FREM1: variants seen among roughly 807,000 people sequenced by gnomAD.
FREM1 encodes FRAS1-related extracellular matrix protein 1.
FREM1 carries 220 observed loss-of-function variants against 210.1 expected under a neutral mutation model. The observed-to-expected ratio is 1.05, with a 90% CI of 0.94 to 1.17. The LOEUF (loss-of-function observed/expected upper bound fraction) is 1.17, where lower values mean the gene tolerates loss of function less well. FREM1 is among the 50% of genes most tolerant of loss of function. FREM1 has a pLI of 0.00. For synonymous variants in FREM1, 1,189 were observed against 980.2 expected, an observed-to-expected ratio of 1.21 and a Z score of -3.98; for missense variants, 3,454 against 2,675.5, an observed-to-expected ratio of 1.29 and a Z score of -6.42.
At chr9:14,908,897 T>C (rs1258816421) in intron 1 of FREM1, among the ~76,000 whole-genome samples, 2 of 152,140 alleles carry the variant, frequency 1.3e-5, no homozygotes, top group African/African-American at 4.8e-5. Flanking sequence ...GAATGCCTGA[T>C]GGAGAGAAAC....
chr9:14,857,622 A>G lies in FREM1; in HGVS notation c.759T>C (p.Pro253=). The change falls in exon 5 of 37, where the codon CCT becomes CCC. Residue 253 remains proline, a synonymous_variant. Coordinates refer to ENST00000380880, the MANE Select transcript of FREM1 (RefSeq NM_001379081.2). The part of the protein sequence containing the change: ...MGLRYQHLDP[P]SPNIDYISIQ... ...TGGAGATATAATCAATGTTGGGTGA[A>G]GGGGGATCCAGATGCTGATAACGAA... 1.2e-6 allele frequency: 2 copies of G among 1,613,858 alleles called. No individual in the cohort carries two copies. The highest frequency in any genetic ancestry group is 1.7e-6 in the Non-Finnish European group (2 of 1,179,830).
At chr9:14,761,272 T>C (rs953207870) in intron 27 of FREM1, among the ~76,000 whole-genome samples, 1 of 152,134 alleles carries the variant, frequency 6.6e-6, no homozygotes, top group African/African-American at 2.4e-5. Flanking sequence ...AACTCAACAG[T>C]GTAGGTTCAT....
chr9:14,905,826 G>C (rs552668499), intron 1 of FREM1, among the ~76,000 whole-genome samples: 12 of 152,254 alleles, frequency 7.9e-5, no homozygotes, highest in African/African-American at 2.9e-4. Flanking sequence ...GGGAGGCAGA[G>C]GTTGCAGTGA....
chr9:14,779,839 C>A (rs1849366846), intron 24 of FREM1, among the ~76,000 whole-genome samples: 1 of 152,110 alleles, frequency 6.6e-6, no homozygotes, highest in Non-Finnish European at 1.5e-5. Flanking sequence ...AGCTAATAGG[C>A]CAGGGGTGAA....
At chr9:14,890,121 C>G (rs1588616807) in intron 1 of FREM1, among the ~76,000 whole-genome samples, 2 of 152,196 alleles carry the variant, frequency 1.3e-5, no homozygotes, top group African/African-American at 4.8e-5. Flanking sequence ...GGGAGAAGGT[C>G]AGAGAGTCTT....
At position 14,755,118 on chromosome 9, in the gene FREM1, C is replaced by G. The variant is rs1587726245; in HGVS notation, c.5407+1256G>C. On this transcript the variant is annotated intron_variant, in intron 29 of 36. Coordinates refer to ENST00000380880, the MANE Select transcript of FREM1 (RefSeq NM_001379081.2). Reference sequence around the variant, plus strand: ...ATTCAGAAGTAATCCTTCATGCTGACAGCTTGATCTTGGGCCTCTAGCCTC... The same window carrying G: ...ATTCAGAAGTAATCCTTCATGCTGAGAGCTTGATCTTGGGCCTCTAGCCTC... 1.3e-5 allele frequency among the ~76,000 whole-genome samples: 2 copies of G among 152,296 alleles called. 1 individual carries two copies. Among genetic ancestry groups the G allele is most frequent in the Middle Eastern group, 6.8e-3 (2 of 294 alleles).
At chr9:14,763,289 T>C (rs548551287) in intron 27 of FREM1, among the ~76,000 whole-genome samples, 2 of 152,136 alleles carry the variant, frequency 1.3e-5, no homozygotes, top group Non-Finnish European at 2.9e-5. Flanking sequence ...ACCACTTCCC[T>C]CCAGTCACGA....
At chr9:14,894,678 T>G (rs1288381415) in intron 1 of FREM1, among the ~76,000 whole-genome samples, 1 of 152,258 alleles carries the variant, frequency 6.6e-6, no homozygotes, top group Non-Finnish European at 1.5e-5. Flanking sequence ...ACTTTTCTAT[T>G]AAGCTATTTA....
intron 10 of FREM1, among the ~76,000 whole-genome samples, chr9:14,828,014 T>G (rs1175126412): frequency 6.6e-6 from 1 of 152,174 alleles, no homozygotes; most frequent in Admixed American, 6.5e-5. Flanking sequence ...TCAGAAAGCC[T>G]CGGGACTCAG....
intron 1 of FREM1, among the ~76,000 whole-genome samples, chr9:14,888,834 T>C (rs1041423797): frequency 1.3e-5 from 2 of 152,244 alleles, no homozygotes; most frequent in African/African-American, 2.4e-5. Context: ...TCAATGTATT[T>C]GCTTTTTCTG....
intron 24 of FREM1, among the ~76,000 whole-genome samples, chr9:14,777,042 T>C (rs1004454957): frequency 6.6e-6 from 1 of 152,214 alleles, no homozygotes; most frequent in Non-Finnish European, 1.5e-5. Flanking sequence ...GGTCTTTTAA[T>C]CCCTGCACCC....
rs1203742193 is a variant in FREM1 at position 14,868,918 on chromosome 9, C to A, written c.60G>T (p.Trp20Cys). ...NAVLLLLLLAWASPTFISINR... is the reference protein window; with the variant it reads ...NAVLLLLLLACASPTFISINR... ...TGATGCTGATGAAGGTGGGGCTGGC[C>A]CAGGCCAGGAGGAGCAGCAGCAGCA... The change falls in exon 2 of 37, where the codon TGG becomes TGT. Residue 20 changes from tryptophan to cysteine, a missense_variant. Transcript: ENST00000380880. 1 of 1,604,540 alleles carries A rather than the reference C, an allele frequency of 6.2e-7. No individual in the cohort carries two copies. Among genetic ancestry groups the A allele is most frequent in the East Asian group, 2.2e-5 (1 of 44,640 alleles).
chr9:14,794,399 G>C (rs756639105), intron 21 of FREM1, among the ~76,000 whole-genome samples: 2 of 152,192 alleles, frequency 1.3e-5, no homozygotes, highest in Non-Finnish European at 2.9e-5. Context: ...GTTAAGGGCT[G>C]TCCCCAGAGT....
chr9:14,848,802 C>A, intron 6 of FREM1, 29 bp from the exon 7 acceptor site: 1 of 1,348,472 alleles, frequency 7.4e-7, no homozygotes, highest in Non-Finnish European at 1.1e-6. Flanking sequence ...AAAGGAGCCA[C>A]ACACTGAAGC....
At chr9:14,746,778 AT>A in intron 34 of FREM1, 144 bp downstream of exon 34, 4 of 999,484 alleles carry the variant, frequency 4.0e-6, no homozygotes, top group Non-Finnish European at 2.9e-6. Context: ...ACTTTGGGCC[AT>A]TTTTTCCTCT....
chr9:14,904,127 A>C lies in FREM1; in HGVS notation c.-268+5787T>G, dbSNP rs918392369. 1.1e-4 allele frequency among the ~76,000 whole-genome samples: 16 copies of C among 151,810 alleles called. No individual in the cohort carries two copies. In the East Asian group the frequency reaches 2.3e-3, roughly 22 times the overall value. On this transcript the variant is annotated intron_variant, in intron 1 of 36. Coordinates refer to ENST00000380880, the MANE Select transcript of FREM1 (RefSeq NM_001379081.2). The stretch of plus-strand genomic sequence containing the variant: ...AAGACTCCGTCTCAAAAAAAAAAAA[A>C]AAAAAAAAAACACTTAGACATTTCT...
intron 31 of FREM1, 61 bp from the exon 32 acceptor site, chr9:14,747,789 G>T: frequency 1.1e-6 from 1 of 944,046 alleles, no homozygotes; most frequent in Non-Finnish European, 1.6e-6. Context: ...TAGCAATAGG[G>T]TAAAACCACC....
At position 14,819,216 on chromosome 9, in the gene FREM1, A is replaced by T; in HGVS notation, c.2546+18T>A. ...GAAACTAAAGCATGTAAATAAAAAA[A>T]CCATGAAATGTTCTAACCTAACTTT... On this transcript the variant is annotated intron_variant, in intron 14 of 36. Coordinates refer to ENST00000380880, the MANE Select transcript of FREM1 (RefSeq NM_001379081.2). 1.3e-6 allele frequency: 2 copies of T among 1,552,084 alleles called. No individual in the cohort carries two copies. The highest frequency in any genetic ancestry group is 1.8e-6 in the Non-Finnish European group (2 of 1,140,164).
rs1844402230 is a variant in FREM1, at chr9:14,756,498, A to T, written c.5335-52T>A. The T allele has an allele frequency of 3.2e-6, 4 of 1,269,192 alleles. No homozygotes were observed. The African/African-American group carries it at 6.0e-5, about 19-fold the overall frequency. 78.6% of individuals were successfully genotyped at this position (1,269,192 alleles called of 1,614,324 possible). ...AAGATAAAAATAAATATTCTACAAT[A>T]GAGAAACAGCTATTCTCCCTCATAC... is the stretch of plus-strand genomic sequence containing the variant. On this transcript the variant is annotated intron_variant, in intron 28 of 36. Transcript: ENST00000380880.
Sources: allele counts gnomAD v4.1 joint callset (sites outside exome capture counted in the v4.1 genomes callset), GRCh38; gene constraint gnomAD v4.1.1; transcripts MANE v1.5; gene names NCBI Gene and HGNC (gene_info 2026-07-23, HGNC 2026-07-21).